Variants in FBXO7 observed in about 807,000 individuals in gnomAD.
The protein encoded by FBXO7 is F-box protein 7.
In FBXO7, 31 loss-of-function variants were observed where a neutral mutation model predicts 50.2. That is an observed-to-expected ratio of 0.62 (90% CI 0.46 to 0.83). The LOEUF (loss-of-function observed/expected upper bound fraction) is 0.83. Among genes scored for constraint, FBXO7 ranks in the 40% least tolerant of loss-of-function variants. The pLI, the probability that FBXO7 is intolerant of heterozygous loss-of-function variation, is 0.00. For synonymous variants in FBXO7, 256 were observed against 253.1 expected (o/e 1.01, Z -0.11); for missense variants, 667 against 646.6 (o/e 1.03, Z -0.34).
intron 5 of FBXO7, chr22:32,489,419 C>G (rs942118767): frequency 1.3e-5 from 2 of 152,222 alleles, no homozygotes; most frequent in African/African-American, 4.8e-5. Context: ...GGCTACGACA[C>G]TCCATATTTA....
In FBXO7 at chr22:32,487,823, A is replaced by G. The variant is rs375565480; in HGVS notation, c.866A>G (p.Lys289Arg). Residue 289 changes from lysine (K) to arginine (R), a missense_variant, in exon 5 of 9, where the codon AAA (lysine) becomes AGA (arginine). Physicochemically the swap from Lys to Arg is conservative, Grantham distance 26 (BLOSUM62 2). Coordinates refer to ENST00000266087, the MANE Select transcript of FBXO7 (RefSeq NM_012179.4). ...LLPESFICKE[K>R]LGENVANIYK... ...CCAGAATCTTTTATTTGCAAAGAGA[A>G]ACTAGGTAATACAAACATTATTTAA... The G allele has an allele frequency of 9.5e-6, 15 of 1,585,368 alleles. 1 individual carries two copies. The highest frequency in any genetic ancestry group is 6.7e-5 in the East Asian group (3 of 44,568).
intron 5 of FBXO7, chr22:32,489,744 T>A (rs1027686795): frequency 6.6e-6 from 1 of 152,244 alleles, no homozygotes; most frequent in Admixed American, 6.5e-5. Context: ...TGGACTGTTA[T>A]AATGAAGTAT....
intron 8 of FBXO7, 30 bp from the exon 9 acceptor site, chr22:32,498,114 C>T (rs763121328): frequency 6.2e-7 from 1 of 1,612,116 alleles, no homozygotes; most frequent in Non-Finnish European, 8.5e-7. Flanking sequence ...CTTACCTTAT[C>T]TTGTTCTTTT....
chr22:32,481,714 T>G (rs2057465809), intron 2 of FBXO7, among the ~76,000 whole-genome samples: 1 of 152,228 alleles, frequency 6.6e-6, no homozygotes, highest in Non-Finnish European at 1.5e-5. Flanking sequence ...TCAGTTTTCT[T>G]ATTTCATCAT....
chr22:32,493,997 A>G (rs1006979330), intron 7 of FBXO7, among the ~76,000 whole-genome samples: 2 of 151,390 alleles, frequency 1.3e-5, no homozygotes, highest in African/African-American at 4.8e-5. Context: ...CTGTGTTGCA[A>G]TGTAAAATTT....
At chr22:32,475,653 C>T (rs1478436743) in intron 1 of FBXO7, 2 of 502,572 alleles carry the variant, frequency 4.0e-6, no homozygotes, top group East Asian at 7.4e-5. Context: ...TGTGAAGCGG[C>T]AACAATTTTA....
Position 32,498,318 on chromosome 22 carries a change from A to G in FBXO7, c.1357A>G (p.Thr453Ala), listed in dbSNP as rs1260860909. 1.2e-6 allele frequency: 2 copies of G among 1,614,004 alleles called. No individual in the cohort carries two copies. Among genetic ancestry groups the G allele is most frequent in the Admixed American group, 1.7e-5 (1 of 60,026 alleles). ...CGGGGGTGAATATGACCAAAGACCA[A>G]CACTTCCCTATGTTGGAGACCCAAT... ...IIGGEYDQRP[T>A]LPYVGDPISS... The change falls in exon 9 of 9, where the codon ACA (threonine) becomes GCA (alanine). Residue 453 changes from threonine to alanine, a missense_variant. By Grantham distance (58) the Thr-to-Ala change is moderately conservative. Coordinates refer to ENST00000266087, the MANE Select transcript of FBXO7 (RefSeq NM_012179.4).
chr22:32,484,356 T>A (rs964713096), intron 3 of FBXO7, among the ~76,000 whole-genome samples: 1 of 152,210 alleles, frequency 6.6e-6, no homozygotes, highest in Non-Finnish European at 1.5e-5. Flanking sequence ...TTGGAATACC[T>A]GGGGACCTTA....
chr22:32,477,350 C>T (rs1372363954), intron 1 of FBXO7, among the ~76,000 whole-genome samples: 1 of 152,136 alleles, frequency 6.6e-6, no homozygotes, highest in Non-Finnish European at 1.5e-5. Context: ...TTGTTAACCT[C>T]TCAAAAAAGT....
rs765876949 is a variant in FBXO7, at chr22:32,498,175, A to G, written c.1214A>G (p.Glu405Gly). ...AGGAAGAGGCACATACAAAGAAAAG[A>G]ATCCCCGAAAGGGCGGTTTGTGATG... ...LYRKRHIQRK[E>G]SPKGRFVMLL... Residue 405 changes from glutamate (E) to glycine (G), a missense_variant, in exon 9 of 9, where the codon GAA becomes GGA. Glu to Gly is a moderately conservative substitution (Grantham distance 98, BLOSUM62 -2). Transcript: ENST00000266087. The G allele has an allele frequency of 6.2e-7, 1 of 1,614,210 alleles. No individual in the cohort carries two copies. The highest frequency in any genetic ancestry group is 8.5e-7 in the Non-Finnish European group (1 of 1,180,034).
At chr22:32,491,782 A>C (rs1295398248) in intron 6 of FBXO7, 1 of 152,076 alleles carries the variant, frequency 6.6e-6, no homozygotes, top group African/African-American at 2.4e-5. Flanking sequence ...ATAGATGATG[A>C]AATCATAATT....
chr22:32,495,837 T>C (rs2057570716), intron 8 of FBXO7, among the ~76,000 whole-genome samples: 1 of 152,242 alleles, frequency 6.6e-6, no homozygotes, highest in South Asian at 2.1e-4. Context: ...GTTAAGATAG[T>C]ACCTTATGAA....
At chr22:32,482,464 G>A (rs1351506216) in intron 2 of FBXO7, among the ~76,000 whole-genome samples, 2 of 152,136 alleles carry the variant, frequency 1.3e-5, no homozygotes, top group Non-Finnish European at 2.9e-5. Flanking sequence ...TTGGGCATAT[G>A]CCTAGGAAAC....
chr22:32,475,718 C>G, intron 1 of FBXO7: 1 of 317,356 alleles, frequency 3.2e-6, no homozygotes, highest in Non-Finnish European at 5.8e-6. Flanking sequence ...ACTTCGCCGC[C>G]GAAAAGTTTT....
Position 32,497,297 on chromosome 22 carries a change from C to T in FBXO7, c.1183-847C>T, listed in dbSNP as rs141710585. ...TGTACCCAATATGTAGTCTTTTAGC[C>T]GTCACCTCCCTCCCAGCCTTTCCCC... On this transcript the variant is annotated intron_variant, in intron 8 of 8. Transcript: ENST00000266087. Among the ~76,000 whole-genome samples the T allele has an allele frequency of 9.6e-3, 1,460 of 152,232 alleles. 22 individuals carry two copies. The highest frequency in any genetic ancestry group is 0.033 in the African/African-American group (1,390 of 41,516).
chr22:32,487,813 T>A lies in FBXO7; in HGVS notation c.856T>A (p.Cys286Ser), dbSNP rs1007406932. 1.2e-6 allele frequency: 2 copies of A among 1,604,584 alleles called. No individual in the cohort carries two copies. The highest frequency in any genetic ancestry group is 2.7e-5 in the African/African-American group (2 of 74,750). Residue 286 changes from cysteine (C) to serine (S), a missense_variant, in exon 5 of 9, where the codon TGC becomes AGC. Physicochemically the swap from Cys to Ser is moderately radical, Grantham distance 112. Transcript: ENST00000266087. ...GCAGCTGCTACCAGAATCTTTTATT[T>A]GCAAAGAGAAACTAGGTAATACAAA... is the stretch of plus-strand genomic sequence containing the variant. ...RLQLLPESFI[C>S]KEKLGENVAN... is the part of the protein sequence containing the mutation.
chr22:32,474,826 C>A lies in FBXO7; in HGVS notation c.-177C>A. 2 of 635,504 alleles carry A rather than the reference C, an allele frequency of 3.1e-6. No individual in the cohort carries two copies. The highest frequency in any genetic ancestry group is 2.0e-5 in the South Asian group (1 of 48,872). The allele number at this position is 635,504 out of a possible 1,614,324, so 39.4% of individuals were successfully genotyped here. ...AGGGGCGGGCGCTCTATTCCAGAGA[C>A]CGAGTGGCAGGGCGGCCACTGTGGC... On this transcript the variant is annotated 5_prime_UTR_variant, in exon 1 of 9. Transcript: ENST00000266087.
chr22:32,476,464 G>T (rs115193279), intron 1 of FBXO7, among the ~76,000 whole-genome samples: 1 of 152,156 alleles, frequency 6.6e-6, no homozygotes, highest in Non-Finnish European at 1.5e-5. Context: ...AAAAGGGCAC[G>T]TTGGTTTCTC....
chr22:32,478,990 C>G lies in FBXO7; in HGVS notation c.132C>G (p.Thr44=). 6.2e-7 allele frequency: 1 copy of G among 1,614,046 alleles called. No individual in the cohort carries two copies. The highest frequency in any genetic ancestry group is 8.5e-7 in the Non-Finnish European group (1 of 1,179,980). ...CTGTCTTTCTTGGCAGTTCTAATAC[C>G]CGATTTACAATTACATTGAACTACA... ...LLCTWGYSSN[T]RFTITLNYKD... Residue 44 remains threonine (T), a synonymous_variant, in exon 2 of 9, where the codon ACC becomes ACG. Transcript: ENST00000266087.
Sources: allele counts gnomAD v4.1 joint callset (sites outside exome capture counted in the v4.1 genomes callset), GRCh38; gene constraint gnomAD v4.1.1; transcripts MANE v1.5; gene names NCBI Gene and HGNC (gene_info 2026-07-23, HGNC 2026-07-21).